P2RX6: variants seen among roughly 807,000 people sequenced by gnomAD.
P2RX6 encodes the protein P2X purinoceptor 6.
In P2RX6, 62 loss-of-function variants were observed where a neutral mutation model predicts 54.2. The ratio of observed to expected loss-of-function variants is 1.14; its 90% CI spans 0.93 to 1.41. The LOEUF is 1.41. Ranked by LOEUF, P2RX6 falls within the 40% of genes most tolerant of loss-of-function variation. The pLI is 0.00. For synonymous variants in P2RX6, 211 were observed against 231.9 expected (o/e 0.91, Z 0.82); for missense variants, 541 against 566.3 (o/e 0.96, Z 0.45).
rs1268278907 is a variant in P2RX6, at chr22:21,027,799, A to C, written c.*1182A>C. 1 of 152,402 alleles carries C rather than the reference A, an allele frequency of 6.6e-6. No homozygotes were observed. Among genetic ancestry groups the C allele is most frequent in the East Asian group, 1.9e-4 (1 of 5,202 alleles). 9.4% of individuals were successfully genotyped at this position (152,402 alleles called of 1,614,324 possible). On this transcript the variant is annotated 3_prime_UTR_variant, in exon 12 of 12. Coordinates refer to ENST00000413302, the MANE Select transcript of P2RX6 (RefSeq NM_005446.5). Reference sequence around the variant, plus strand: ...ACATCTAGAATCACCTGCCACCTGGAGCCTCAGTAAAATGCCTGGGGTCCC... The same window carrying C: ...ACATCTAGAATCACCTGCCACCTGGCGCCTCAGTAAAATGCCTGGGGTCCC...
intron 4 of P2RX6, 93 bp downstream of exon 4, chr22:21,022,844 T>C (rs1927665492): frequency 1.4e-6 from 2 of 1,468,018 alleles, no homozygotes; most frequent in South Asian, 2.4e-5. Context: ...TGCTCGCCTC[T>C]GTCCCTGCAT....
At chr22:21,025,727 T>G (rs1312980098) in intron 8 of P2RX6, 78 bp from the exon 9 acceptor site, 2 of 1,028,668 alleles carry the variant, frequency 1.9e-6, no homozygotes, top group Non-Finnish European at 2.9e-6. Context: ...ATTGACAAGT[T>G]GGACAGAGGT....
At chr22:21,018,450 T>C (rs1052362018) in intron 3 of P2RX6, 1 of 296,480 alleles carries the variant, frequency 3.4e-6, no homozygotes, top group Non-Finnish European at 6.6e-6. Flanking sequence ...GCTGCGCACA[T>C]GCTCAGGGAG....
At position 21,026,079 on chromosome 22, in the gene P2RX6, G is replaced by A; in HGVS notation, c.1050+3G>A. On this transcript the variant is annotated splice_donor_region_variant and intron_variant, in intron 10 of 11. Transcript: ENST00000413302. The surrounding 1 kb of genome is among the most constrained non-coding windows in gnomAD (Gnocchi z 4.0). ...CCGGGGCAGCTTGGCTGGGCGTGGT[G>A]AGTGCGAGCACTGTGGGCACCTGCA... is the stretch of plus-strand genomic sequence containing the variant. 3.1e-6 allele frequency: 5 copies of A among 1,608,758 alleles called. No individual in the cohort carries two copies. Among genetic ancestry groups the A allele is most frequent in the Non-Finnish European group, 4.2e-6 (5 of 1,178,204 alleles).
In P2RX6 at chr22:21,022,971, A is replaced by G; in HGVS notation, c.493A>G (p.Asn165Asp). The change falls in exon 5 of 12, where the codon AAT (asparagine) becomes GAT (aspartate). Residue 165 changes from asparagine to aspartate, a missense_variant. Around this residue, in one of 2 missense-constraint regions of P2RX6, gnomAD observed 526 missense variants for 531.5 expected, o/e 0.99. Transcript: ENST00000413302. ...AAAAACAGGCCAGTGTGTGGTGTTC[A>G]ATGGGACCCACAGGACCTGTGAGAT... ...GVKTGQCVVF[N>D]GTHRTCEIWS... The G allele has an allele frequency of 2.5e-6, 4 of 1,613,832 alleles. No homozygotes were observed. The highest frequency in any genetic ancestry group is 1.3e-5 in the African/African-American group (1 of 75,016).
upstream of P2RX6, chr22:21,015,107 T>G: frequency 1.0e-6 from 1 of 971,844 alleles, no homozygotes; most frequent in Non-Finnish European, 1.5e-6. Context: ...TAACAGCAAC[T>G]GGCCTGGCCT....
At position 21,026,344 on chromosome 22, in the gene P2RX6, C is replaced by T. The variant is rs1277186041; in HGVS notation, c.1128+15C>T. ...AGTATGAGGAGGTGAGCTGAGGTCGCTCTGCTTGGACCCTGGGTTCTGCCA... is the reference window on the plus strand; with the variant it reads ...AGTATGAGGAGGTGAGCTGAGGTCGTTCTGCTTGGACCCTGGGTTCTGCCA... On this transcript the variant is annotated intron_variant, in intron 11 of 11. Coordinates refer to ENST00000413302, the MANE Select transcript of P2RX6 (RefSeq NM_005446.5). This position sits in a 1 kb window ranked among gnomAD's most constrained non-coding sequence, Gnocchi z 4.0. The T allele has an allele frequency of 6.3e-7, 1 of 1,597,318 alleles. No individual in the cohort carries two copies. Among genetic ancestry groups the T allele is most frequent in the East Asian group, 2.3e-5 (1 of 44,350 alleles).
intron 3 of P2RX6, among the ~76,000 whole-genome samples, chr22:21,020,594 CTTT>C (rs966307828): frequency 8.9e-6 from 1 of 112,994 alleles, no homozygotes; most frequent in Non-Finnish European, 1.8e-5. Flanking sequence ...TTTTTTTTTT[CTTT>C]TTTTTTTTTT....
rs1356984512 is a variant in P2RX6 at position 21,015,947 on chromosome 22, C to A, written c.170C>A (p.Ala57Asp). The A allele has an allele frequency of 4.5e-6, 7 of 1,549,540 alleles. No individual in the cohort carries two copies. The highest frequency in any genetic ancestry group is 6.1e-6 in the Non-Finnish European group (7 of 1,146,888). ...GCCCGACTTCTCCTCCCCAGGTGGG[C>A]TCTCCTCGCCAAAAAAGGCTACCAG... ...FGIVVYVVGW[A>D]LLAKKGYQER... Residue 57 changes from alanine to aspartate, a missense_variant, in exon 2 of 12, where the codon GCT (alanine) becomes GAT (aspartate). By Grantham distance (126) the Ala-to-Asp change is moderately radical. Coordinates refer to ENST00000413302, the MANE Select transcript of P2RX6 (RefSeq NM_005446.5).
chr22:21,015,498 C>T (rs562129072), intron 1 of P2RX6, among the ~76,000 whole-genome samples, 160 bp downstream of exon 1: 1 of 152,054 alleles, frequency 6.6e-6, no homozygotes, highest in South Asian at 2.1e-4. Flanking sequence ...CGATACAAGA[C>T]AGGAGAGCAA....
intron 8 of P2RX6, 128 bp from the exon 9 acceptor site, chr22:21,025,677 G>C (rs76376471): frequency 1.5e-6 from 1 of 667,942 alleles, no homozygotes; most frequent in Non-Finnish European, 2.6e-6. Flanking sequence ...ATAGGGCTGA[G>C]ACCCAGGACT....
upstream of P2RX6, chr22:21,011,578 A>C (rs442041): frequency 7.0e-6 from 5 of 715,210 alleles, no homozygotes; most frequent in African/African-American, 3.5e-5. Context: ...CTGGTTCTCC[A>C]ACAGGTCCAC....
upstream of P2RX6, chr22:21,012,482 AG>A (rs1038242023): frequency 9.2e-5 from 47 of 508,946 alleles, no homozygotes; most frequent in African/African-American, 8.0e-4. Context: ...CCCTGAGGAA[AG>A]GGAGGACTCA....
chr22:21,015,255 GGA>G lies in P2RX6; in HGVS notation c.84_85del (p.Lys29ValfsTer108). On this transcript the variant is annotated frameshift_variant, in exon 1 of 12. Coordinates refer to ENST00000413302, the MANE Select transcript of P2RX6 (RefSeq NM_005446.5). LOFTEE classifies it high-confidence loss of function. ...GCTGGGGGCTTCTGGATTATAAGACGGAGAAGTATGTGATGACCAGGAACTGG... is the reference window on the plus strand; with the variant it reads ...GCTGGGGGCTTCTGGATTATAAGACGGAAGTATGTGATGACCAGGAACTGG... ...TGWGLLDYKT[E>X]KYVMTRNWRV... 6.5e-7 allele frequency: 1 copy of G among 1,541,542 alleles called. No homozygotes were observed. Among genetic ancestry groups the G allele is most frequent in the South Asian group, 1.3e-5 (1 of 79,250 alleles).
At chr22:21,016,178 G>C in intron 2 of P2RX6, 86 bp downstream of exon 2, 2 of 1,366,160 alleles carry the variant, frequency 1.5e-6, no homozygotes, top group Non-Finnish European at 2.0e-6. Context: ...GTGTGTGCGA[G>C]AGAGAAGCAT....
chr22:21,015,440 G>A (rs1191550651), intron 1 of P2RX6, 102 bp downstream of exon 1: 4 of 1,331,694 alleles, frequency 3.0e-6, no homozygotes, highest in Non-Finnish European at 4.0e-6. Context: ...GCTGTTTAGG[G>A]GCTGGAGTGG....
rs776428501 is a variant in P2RX6, at chr22:21,016,040, A to G, written c.263A>G (p.Lys88Arg). 13 of 1,560,198 alleles carry G rather than the reference A, an allele frequency of 8.3e-6. No individual in the cohort carries two copies. The highest frequency in any genetic ancestry group is 1.0e-5 in the Non-Finnish European group (12 of 1,152,802). Residue 88 changes from lysine to arginine, a missense_variant, in exon 2 of 12, where the codon AAG (lysine) becomes AGG (arginine). By Grantham distance (26) the Lys-to-Arg change is conservative. Around this residue, in one of 2 missense-constraint regions of P2RX6, gnomAD observed 526 missense variants for 531.5 expected, o/e 0.99. Coordinates refer to ENST00000413302, the MANE Select transcript of P2RX6 (RefSeq NM_005446.5). ...AAAGGGGTTTCCGTCACTCAGATCA[A>G]GGAGCTTGGAAACCGGCTGTGGGAT... is the stretch of plus-strand genomic sequence containing the variant. ...KLKGVSVTQIKELGNRLWDVA... is the reference protein window; with the variant it reads ...KLKGVSVTQIRELGNRLWDVA...
chr22:21,010,807 C>T (rs1404184987), upstream of P2RX6, among the ~76,000 whole-genome samples: 1 of 152,064 alleles, frequency 6.6e-6, no homozygotes, highest in Admixed American at 6.5e-5. Context: ...CTGCAGCCCT[C>T]TGCCCTCTCC....
exon 1 of P2RX6, chr22:21,009,835 G>A (rs1412446447): frequency 6.5e-6 from 1 of 154,892 alleles, no homozygotes; most frequent in Non-Finnish European, 1.4e-5. Context: ...CTCTCTACCT[G>A]AGAACTAGAC....
Sources: gnomAD v4.1 joint callset for allele counts (sites outside exome capture counted in the v4.1 genomes callset) on GRCh38, gnomAD v4.1.1 for gene constraint, gnomAD v4.1.1 regional missense constraint, Gnocchi (gnomAD v3.1) non-coding constraint, MANE v1.5 for transcripts, NCBI Gene and HGNC (gene_info 2026-07-23, HGNC 2026-07-21) for gene names.